NRF1: variants seen among roughly 807,000 people sequenced by gnomAD.
NRF1 encodes alpha palindromic-binding protein.
Under a neutral mutation model 58.5 loss-of-function variants are expected in NRF1, and 5 were observed. That is an observed-to-expected ratio of 0.09 (90% CI 0.04 to 0.18). The LOEUF (loss-of-function observed/expected upper bound fraction) is 0.18, where lower values mean the gene tolerates loss of function less well. Among genes scored for constraint, NRF1 ranks in the 10% least tolerant of loss-of-function variants. NRF1 has a pLI of 1.00. For synonymous variants in NRF1, 224 were observed against 246.7 expected, an observed-to-expected ratio of 0.91 and a Z score of 0.86; for missense variants, 288 against 657.7, an observed-to-expected ratio of 0.44 and a Z score of 6.15.
At chr7:129,754,499 A>G (rs1804204831) in intron 10 of NRF1, among the ~76,000 whole-genome samples, 1 of 146,478 alleles carries the variant, frequency 6.8e-6, no homozygotes, top group South Asian at 2.2e-4. Context: ...AATGGAAAAA[A>G]GTTGATTTCC....
At chr7:129,746,491 C>T (rs1803978044) in intron 10 of NRF1, among the ~76,000 whole-genome samples, 1 of 152,152 alleles carries the variant, frequency 6.6e-6, no homozygotes. Context: ...TGTTTTTCTT[C>T]ATATAGTGGC....
intron 5 of NRF1, among the ~76,000 whole-genome samples, chr7:129,704,363 T>G (rs1302343466): frequency 1.3e-5 from 2 of 152,220 alleles, no homozygotes; most frequent in Non-Finnish European, 2.9e-5. Context: ...AATGTCTTAA[T>G]GTACATTACA....
chr7:129,634,122 TTGAG>T (rs958834516), intron 1 of NRF1, among the ~76,000 whole-genome samples: 1 of 150,360 alleles, frequency 6.7e-6, no homozygotes, highest in Admixed American at 6.7e-5. Context: ...TACAGAAAAA[TTGAG>T]TGGAGAGTAT....
chr7:129,744,131 T>C (rs45571041), intron 10 of NRF1: 5 of 161,936 alleles, frequency 3.1e-5, no homozygotes, highest in Admixed American at 7.9e-5. Flanking sequence ...TGCCCGGTGC[T>C]TTTTTTTTTT....
intron 5 of NRF1, among the ~76,000 whole-genome samples, chr7:129,705,276 T>G (rs531205070): frequency 1.3e-3 from 200 of 151,292 alleles, no homozygotes; most frequent in African/African-American, 4.3e-3. Flanking sequence ...GTCTTGTGGG[T>G]TTTTTTTGTT....
At chr7:129,629,455 T>C (rs1800999542) in intron 1 of NRF1, among the ~76,000 whole-genome samples, 1 of 152,128 alleles carries the variant, frequency 6.6e-6, no homozygotes. Context: ...TTTGTACTTT[T>C]AGTGAGACGG....
At chr7:129,709,807 C>T (rs1421542047) in intron 6 of NRF1, among the ~76,000 whole-genome samples, 1 of 150,424 alleles carries the variant, frequency 6.6e-6, no homozygotes, top group Non-Finnish European at 1.5e-5. Flanking sequence ...CTCGGCTCGC[C>T]GCAACCTCTG....
chr7:129,709,151 G>A lies in NRF1; in HGVS notation c.683G>A (p.Ser228Asn). 6.3e-7 allele frequency: 1 copy of A among 1,597,302 alleles called. No individual in the cohort carries two copies. Among genetic ancestry groups the A allele is most frequent in the Non-Finnish European group, 8.5e-7 (1 of 1,170,912 alleles). ...GRGKPGWGKE[S>N]CKPIWWPEDI... is the part of the protein sequence containing the mutation. ...GGAAAACCAGGCTGGGGGAAAGAAAGCTGCAAGCCCATCTGGTGGCCTGAA... is the reference window on the plus strand; with the variant it reads ...GGAAAACCAGGCTGGGGGAAAGAAAACTGCAAGCCCATCTGGTGGCCTGAA... The change falls in exon 6 of 11, where the codon AGC becomes AAC. Residue 228 changes from serine (S) to asparagine (N), a missense_variant. Physicochemically the swap from Ser to Asn is conservative, Grantham distance 46. Coordinates refer to ENST00000393232, the MANE Select transcript of NRF1 (RefSeq NM_005011.5).
At chr7:129,712,217 G>C (rs1246630393) in intron 8 of NRF1, among the ~76,000 whole-genome samples, 1 of 152,160 alleles carries the variant, frequency 6.6e-6, no homozygotes, top group Non-Finnish European at 1.5e-5. Context: ...CCATAGCAGT[G>C]TTGAAGCTGG....
intron 4 of NRF1, among the ~76,000 whole-genome samples, chr7:129,686,758 G>A (rs1343166997): frequency 6.6e-6 from 1 of 152,206 alleles, no homozygotes; most frequent in Non-Finnish European, 1.5e-5. Context: ...TGATTTAAGT[G>A]GTTGTTTACC....
chr7:129,626,187 A>G (rs1014347115), intron 1 of NRF1, among the ~76,000 whole-genome samples: 8 of 152,186 alleles, frequency 5.3e-5, no homozygotes, highest in African/African-American at 1.9e-4. Context: ...TATAAGGAAA[A>G]TTCATATTAA....
intron 6 of NRF1, among the ~76,000 whole-genome samples, chr7:129,709,897 A>G (rs1803034709): frequency 6.6e-6 from 1 of 151,178 alleles, no homozygotes; most frequent in Non-Finnish European, 1.5e-5. Flanking sequence ...TGCCCAGCTA[A>G]TTTTGTATTT....
chr7:129,637,872 TG>T lies in NRF1; in HGVS notation c.-6-19473del, dbSNP rs67651455. 6.6e-3 allele frequency among the ~76,000 whole-genome samples: 1,001 copies of T among 151,252 alleles called. 8 individuals are homozygous for T. Among genetic ancestry groups the T allele is most frequent in the African/African-American group, 0.021 (882 of 41,306 alleles). ...GAGATTTTTTTGTGATTTTATTTTT[TG>T]TTTTTTTTTTTCTAAGCTCATCAGC... On this transcript the variant is annotated intron_variant, in intron 1 of 10. Coordinates refer to ENST00000393232, the MANE Select transcript of NRF1 (RefSeq NM_005011.5).
At position 129,741,142 on chromosome 7, in the gene NRF1, G is replaced by A. The variant is rs2116295383; in HGVS notation, c.1348+13777G>A. Among the ~76,000 whole-genome samples the A allele has an allele frequency of 6.6e-6, 1 of 152,220 alleles. No homozygotes were observed. The highest frequency in any genetic ancestry group is 2.1e-4 in the South Asian group (1 of 4,818). On this transcript the variant is annotated intron_variant, in intron 10 of 10. Transcript: ENST00000393232. The surrounding 1 kb of genome is among the most constrained non-coding windows in gnomAD (Gnocchi z 4.0). ...GGTCTGCCTGTGTTGGGTATTCTCA[G>A]CTTGGGGAAACTCAATGAGCCAGCA... is the stretch of plus-strand genomic sequence containing the variant.
chr7:129,744,399 T>C (rs538489603), intron 10 of NRF1, among the ~76,000 whole-genome samples: 3 of 152,120 alleles, frequency 2.0e-5, no homozygotes, highest in Non-Finnish European at 4.4e-5. Context: ...GATTATCTGA[T>C]TTTTCTAGTG....
intron 2 of NRF1, among the ~76,000 whole-genome samples, chr7:129,666,350 T>C (rs1801920987): frequency 6.6e-6 from 1 of 152,218 alleles, no homozygotes; most frequent in Non-Finnish European, 1.5e-5. Flanking sequence ...TGTGTCTGTA[T>C]GATTAAACAA....
At chr7:129,717,536 T>A (rs1378564011) in intron 9 of NRF1, among the ~76,000 whole-genome samples, 160 bp downstream of exon 9, 12 of 152,190 alleles carry the variant, frequency 7.9e-5, no homozygotes, top group Non-Finnish European at 5.9e-5. Flanking sequence ...CTATAATAGG[T>A]CAGTCCTTAC....
chr7:129,707,594 A>G (rs556882118), intron 5 of NRF1, among the ~76,000 whole-genome samples: 2 of 152,318 alleles, frequency 1.3e-5, no homozygotes, highest in Admixed American at 6.5e-5. Flanking sequence ...TGACTTTGAG[A>G]TGTACTTTCT....
chr7:129,635,127 G>A (rs971218529), intron 1 of NRF1, among the ~76,000 whole-genome samples: 7 of 152,098 alleles, frequency 4.6e-5, no homozygotes, highest in East Asian at 3.9e-4. Flanking sequence ...GTCTCTAGGC[G>A]GTTGGGGATG....
Sources: gnomAD v4.1 joint callset for allele counts (sites outside exome capture counted in the v4.1 genomes callset) on GRCh38, gnomAD v4.1.1 for gene constraint, Gnocchi (gnomAD v3.1) non-coding constraint, MANE v1.5 for transcripts, NCBI Gene and HGNC (gene_info 2026-07-23, HGNC 2026-07-21) for gene names.